PTPRM: variants seen among roughly 807,000 people sequenced by gnomAD.
PTPRM encodes the protein protein tyrosine phosphatase receptor type M.
PTPRM carries 47 observed loss-of-function variants against 186.7 expected under a neutral mutation model. The ratio of observed to expected loss-of-function variants is 0.25; its 90% CI spans 0.20 to 0.32. The LOEUF (loss-of-function observed/expected upper bound fraction) is 0.32. Ranked by LOEUF, PTPRM falls within the 10% of genes least tolerant of loss-of-function variation. The pLI, the probability that PTPRM is intolerant of heterozygous loss-of-function variation, is 1.00. For missense variants in PTPRM, 1,494 were observed against 1,865.0 expected, an observed-to-expected ratio of 0.80 and a Z score of 3.66; for synonymous variants, 668 against 674.9, an observed-to-expected ratio of 0.99 and a Z score of 0.16.
At chr18:8,231,385 T>C (rs1386890374) in intron 14 of PTPRM, among the ~76,000 whole-genome samples, 1 of 152,192 alleles carries the variant, frequency 6.6e-6, no homozygotes, top group Non-Finnish European at 1.5e-5. Context: ...AGCGGGAAAC[T>C]GGAGGAGGAG....
intron 1 of PTPRM, among the ~76,000 whole-genome samples, chr18:7,691,644 C>T (rs2039735538): frequency 6.6e-6 from 1 of 152,154 alleles, no homozygotes; most frequent in Non-Finnish European, 1.5e-5. Flanking sequence ...CCATAGTTCA[C>T]ACCTGTAATC....
chr18:7,650,227 A>T (rs1449600371), intron 1 of PTPRM, among the ~76,000 whole-genome samples: 1 of 152,118 alleles, frequency 6.6e-6, no homozygotes, highest in Admixed American at 6.6e-5. Context: ...GGGCCCTGGA[A>T]CCAATCCTTG....
intron 7 of PTPRM, among the ~76,000 whole-genome samples, chr18:8,059,240 A>C (rs2088283413): frequency 7.7e-6 from 1 of 130,356 alleles, no homozygotes; most frequent in African/African-American, 3.0e-5. Flanking sequence ...TTCACTCATG[A>C]TTTGGCTCTC....
In PTPRM at chr18:8,378,409, T is replaced by C; in HGVS notation, c.3607T>C (p.Phe1203Leu). 2.5e-6 allele frequency: 4 copies of C among 1,614,062 alleles called. No individual in the cohort carries two copies. Among genetic ancestry groups the C allele is most frequent in the Non-Finnish European group, 3.4e-6 (4 of 1,179,978 alleles). ...QTNSSQIKEE[F>L]RTLNMVTPTL... Reference sequence around the variant, plus strand: ...AAACTCAAGCCAGATTAAAGAGGAATTCCGGGTAAGTGATGCCTAAGGGAG... The same window carrying C: ...AAACTCAAGCCAGATTAAAGAGGAACTCCGGGTAAGTGATGCCTAAGGGAG... Residue 1203 changes from phenylalanine to leucine, a missense_variant, in exon 27 of 33, where the codon TTC becomes CTC. This residue lies in a region of PTPRM where 1,107 missense variants were observed against 1,350.2 expected (regional missense o/e 0.82). Transcript: ENST00000580170.
chr18:8,289,566 A>ATATATATACG (rs2095013523), intron 19 of PTPRM, among the ~76,000 whole-genome samples: 1 of 99,550 alleles, frequency 1.0e-5, no homozygotes, highest in South Asian at 3.6e-4. Flanking sequence ...ATATACACAT[A>ATATATATACG]TATATATATA....
intron 2 of PTPRM, among the ~76,000 whole-genome samples, chr18:7,795,953 A>G (rs9957529): frequency 0.064 from 9,646 of 151,542 alleles, 893 homozygotes; most frequent in African/African-American, 0.21. Flanking sequence ...AGCTAGGACT[A>G]CAGGCATGCA....
intron 1 of PTPRM, among the ~76,000 whole-genome samples, chr18:7,641,603 C>T (rs1347900588): frequency 6.6e-6 from 1 of 152,188 alleles, no homozygotes; most frequent in Admixed American, 6.5e-5. Flanking sequence ...CACAGCTGTA[C>T]TTCTGTCTCA....
At chr18:8,160,912 A>C (rs920014279) in intron 14 of PTPRM, among the ~76,000 whole-genome samples, 4 of 152,202 alleles carry the variant, frequency 2.6e-5, no homozygotes, top group African/African-American at 9.6e-5. Context: ...CGCTTAGTGT[A>C]AGTGCCTAGT....
At chr18:8,212,519 A>G (rs1292961083) in intron 14 of PTPRM, among the ~76,000 whole-genome samples, 1 of 152,232 alleles carries the variant, frequency 6.6e-6, no homozygotes, top group Non-Finnish European at 1.5e-5. Flanking sequence ...AAAATTATCT[A>G]TGGCTGGACA....
intron 7 of PTPRM, among the ~76,000 whole-genome samples, chr18:8,011,937 G>A (rs2147872879): frequency 6.6e-6 from 1 of 152,332 alleles, no homozygotes; most frequent in South Asian, 2.1e-4. Flanking sequence ...TATAGAAATA[G>A]GTATAAGTTG....
intron 14 of PTPRM, among the ~76,000 whole-genome samples, chr18:8,179,715 G>A (rs7244386): frequency 0.57 from 85,952 of 151,766 alleles, 24,951 homozygotes; most frequent in African/African-American, 0.64. Flanking sequence ...TGATCTTCCC[G>A]CCTCAGCTTC....
At chr18:8,271,625 T>C (rs1015576208) in intron 19 of PTPRM, among the ~76,000 whole-genome samples, 6 of 152,200 alleles carry the variant, frequency 3.9e-5, no homozygotes, top group Admixed American at 3.9e-4. Flanking sequence ...GATCTGGCAA[T>C]TTCCCCATGC....
At chr18:7,980,754 T>C (rs2147437891) in intron 7 of PTPRM, among the ~76,000 whole-genome samples, 1 of 152,280 alleles carries the variant, frequency 6.6e-6, no homozygotes, top group Non-Finnish European at 1.5e-5. Context: ...GAGAGACTCC[T>C]TAACACACAG....
intron 1 of PTPRM, among the ~76,000 whole-genome samples, chr18:7,683,161 C>T (rs1385688486): frequency 7.2e-6 from 1 of 139,840 alleles, no homozygotes; most frequent in African/African-American, 3.0e-5. Flanking sequence ...GATTGGCTTG[C>T]CATTTTTTTT....
intron 4 of PTPRM, among the ~76,000 whole-genome samples, chr18:7,910,270 TA>T (rs1246270997): frequency 6.6e-6 from 1 of 152,166 alleles, no homozygotes; most frequent in African/African-American, 2.4e-5. Flanking sequence ...CACTACCCAT[TA>T]ATAGTCATTC....
rs1270300900 is a variant in PTPRM at position 7,598,321 on chromosome 18, C to A, written c.73+30430C>A. 2.6e-5 allele frequency among the ~76,000 whole-genome samples: 4 copies of A among 152,280 alleles called. No individual in the cohort carries two copies. In the East Asian group the frequency reaches 7.7e-4, roughly 29 times the overall value. Reference sequence around the variant, plus strand: ...GATCCTATGTTTATGAAACTGAAATCTGACTTAAGTGCTTGTGATTGTGTT... The same window carrying A: ...GATCCTATGTTTATGAAACTGAAATATGACTTAAGTGCTTGTGATTGTGTT... On this transcript the variant is annotated intron_variant, in intron 1 of 32. Transcript: ENST00000580170.
At chr18:7,828,080 A>T (rs2045576215) in intron 2 of PTPRM, among the ~76,000 whole-genome samples, 1 of 152,198 alleles carries the variant, frequency 6.6e-6, no homozygotes, top group South Asian at 2.1e-4. Context: ...GTATAGGTGT[A>T]TAAATATGTG....
chr18:8,329,822 A>T (rs1308914539), intron 22 of PTPRM, among the ~76,000 whole-genome samples: 1 of 152,100 alleles, frequency 6.6e-6, no homozygotes, highest in Non-Finnish European at 1.5e-5. Context: ...TTCAAGAGAC[A>T]TGGTCTCACT....
At chr18:8,240,828 A>AGAGAGAGAGAGAGAGAGAGAG (rs879710754) in intron 14 of PTPRM, among the ~76,000 whole-genome samples, 1 of 31,322 alleles carries the variant, frequency 3.2e-5, no homozygotes, top group East Asian at 7.8e-4. Context: ...GAGAGAGAGA[A>AGAGAGAGAGAGAGAGAGAGAG]AGAAAGAAAG....
Sources: gnomAD v4.1 joint callset for allele counts (sites outside exome capture counted in the v4.1 genomes callset) on GRCh38, gnomAD v4.1.1 for gene constraint, gnomAD v4.1.1 regional missense constraint, MANE v1.5 for transcripts, NCBI Gene and HGNC (gene_info 2026-07-23, HGNC 2026-07-21) for gene names.